The following PLAT variants were observed in gnomAD, a reference collection of about 807,000 sequenced individuals.
PLAT encodes tissue-type plasminogen activator.
A neutral mutation model predicts 74.9 loss-of-function variants in PLAT; 48 were observed. The observed-to-expected ratio is 0.64, with a 90% CI of 0.51 to 0.82. The LOEUF is 0.82. Among genes scored for constraint, PLAT ranks in the 40% least tolerant of loss-of-function variants. The pLI is 0.00. For synonymous variants in PLAT, 307 were observed against 294.4 expected (o/e 1.04, Z -0.44); for missense variants, 673 against 736.2 (o/e 0.91, Z 0.99).
chr8:42,205,951 C>T (rs990965251), intron 1 of PLAT, among the ~76,000 whole-genome samples: 2 of 152,238 alleles, frequency 1.3e-5, no homozygotes, highest in Non-Finnish European at 2.9e-5. Context: ...TGGCCGCTGG[C>T]TCTGCTCAGC....
chr8:42,180,012 A>C lies in PLAT; in HGVS notation c.1277T>G (p.Val426Gly), dbSNP rs1805155649. ...CGCCGGGGGAAGGCACACAGTGCGG[A>C]CCACGCTGCTCTCCTGGGCACAGCG... is the stretch of plus-strand genomic sequence containing the variant. Reference protein sequence around the residue: ...SSRCAQESSVVRTVCLPPADL... With the variant: ...SSRCAQESSVGRTVCLPPADL... Residue 426 changes from valine (V) to glycine (G), a missense_variant, in exon 12 of 14, where the codon GTC (valine) becomes GGC (glycine). By Grantham distance (109) the Val-to-Gly change is moderately radical. Transcript: ENST00000220809. 6.2e-7 allele frequency: 1 copy of C among 1,610,032 alleles called. No individual in the cohort carries two copies. Among genetic ancestry groups the C allele is most frequent in the Admixed American group, 1.7e-5 (1 of 59,366 alleles).
intron 3 of PLAT, among the ~76,000 whole-genome samples, chr8:42,190,603 C>T (rs975668259): frequency 6.6e-6 from 1 of 152,160 alleles, no homozygotes; most frequent in Non-Finnish European, 1.5e-5. Context: ...CATCCAACAA[C>T]GAAGGCATTA....
At chr8:42,198,164 CTCTGTT>C (rs1805987331) in intron 1 of PLAT, among the ~76,000 whole-genome samples, 1 of 152,136 alleles carries the variant, frequency 6.6e-6, no homozygotes, top group African/African-American at 2.4e-5. Flanking sequence ...GAGACTCTGT[CTCTGTT>C]TATTTTCATA....
chr8:42,176,476 C>T (rs1804979047), intron 13 of PLAT, among the ~76,000 whole-genome samples: 1 of 152,202 alleles, frequency 6.6e-6, no homozygotes, highest in African/African-American at 2.4e-5. Flanking sequence ...ATGGTGGCGT[C>T]TGTCCAGGGC....
chr8:42,185,342 C>T (rs978507618), intron 6 of PLAT, 170 bp from the exon 7 acceptor site: 1 of 438,044 alleles, frequency 2.3e-6, no homozygotes, highest in Non-Finnish European at 4.0e-6. Flanking sequence ...CCTCTCACTG[C>T]AACCTCCGTT....
At chr8:42,188,824 A>T in intron 4 of PLAT, 110 bp downstream of exon 4, 1 of 860,000 alleles carries the variant, frequency 1.2e-6, no homozygotes, top group Non-Finnish European at 1.9e-6. Flanking sequence ...GGGACTTGCT[A>T]TGTTTGCCCA....
At chr8:42,186,402 G>A (rs1277083213) in intron 6 of PLAT, 2 of 152,194 alleles carry the variant, frequency 1.3e-5, no homozygotes, top group African/African-American at 4.8e-5. Context: ...TCAGTGAAAA[G>A]CTGATCAAGG....
chr8:42,182,066 T>A, intron 8 of PLAT, 44 bp from the exon 9 acceptor site: 1 of 1,289,306 alleles, frequency 7.8e-7, no homozygotes, highest in African/African-American at 1.5e-5. Context: ...ATCTTCTTAT[T>A]TTTTAATTTT....
Position 42,176,087 on chromosome 8 carries a change from C to T in PLAT, c.1595G>A (p.Ser532Asn). Reference protein sequence around the residue: ...DGRMTLVGIISWGLGCGQKDV... With the variant: ...DGRMTLVGIINWGLGCGQKDV... ...CTTCTGTCCACAGCCCAGGCCCCAG[C>T]TGATGATGCCCACCAAAGTCATGCG... The change falls in exon 14 of 14, where the codon AGC becomes AAC. Residue 532 changes from serine (S) to asparagine (N), a missense_variant. Coordinates refer to ENST00000220809, the MANE Select transcript of PLAT (RefSeq NM_000930.5). The T allele has an allele frequency of 6.2e-7, 1 of 1,614,036 alleles. No homozygotes were observed. The highest frequency in any genetic ancestry group is 8.5e-7 in the Non-Finnish European group (1 of 1,179,952).
chr8:42,195,316 C>T (rs1405981412), intron 1 of PLAT, among the ~76,000 whole-genome samples: 4 of 152,270 alleles, frequency 2.6e-5, no homozygotes, highest in South Asian at 2.1e-4. Context: ...GGCAGAGGAG[C>T]TTAGGGAGAG....
In PLAT at chr8:42,187,410, T is replaced by C. The variant is rs562484595; in HGVS notation, c.527A>G (p.His176Arg). The C allele has an allele frequency of 6.3e-7, 1 of 1,584,654 alleles. No individual in the cohort carries two copies. Among genetic ancestry groups the C allele is most frequent in the South Asian group, 1.1e-5 (1 of 89,716 alleles). The part of the protein sequence containing the change: ...PDAIRLGLGN[H>R]NYCRNPDRDS... ...GATGTGCCCTCACCTGCAGTAGTTG[T>C]GGTTCCCCAGGCCCAGCCTGATGGC... is the stretch of plus-strand genomic sequence containing the variant. The change falls in exon 6 of 14, where the codon CAC (histidine) becomes CGC (arginine). Residue 176 changes from histidine to arginine, a missense_variant. Transcript: ENST00000220809.
rs8178693 is a variant in PLAT at position 42,202,428 on chromosome 8, C to A, written c.-27+5066G>T. 2.7e-3 allele frequency among the ~76,000 whole-genome samples: 410 copies of A among 152,130 alleles called. 1 individual carries two copies. Among genetic ancestry groups the A allele is most frequent in the African/African-American group, 9.4e-3 (392 of 41,492 alleles). The stretch of plus-strand genomic sequence containing the variant: ...GAGACTCAGCTGAAATAAAAACTGC[C>A]CACATCAAGAGTCCCATCTATGGGG... On this transcript the variant is annotated intron_variant, in intron 1 of 13. Coordinates refer to ENST00000220809, the MANE Select transcript of PLAT (RefSeq NM_000930.5).
rs1273073093 is a variant in PLAT at position 42,175,401 on chromosome 8, A to T, written c.*592T>A. On this transcript the variant is annotated 3_prime_UTR_variant, in exon 14 of 14. Coordinates refer to ENST00000220809, the MANE Select transcript of PLAT (RefSeq NM_000930.5). ...ACTCTAAAGTTTATAAAGAAAAAGG[A>T]TTTACACTTTACACACTGTACACAA... is the stretch of plus-strand genomic sequence containing the variant. 6.6e-6 allele frequency: 1 copy of T among 152,368 alleles called. No individual in the cohort carries two copies. Among genetic ancestry groups the T allele is most frequent in the East Asian group, 1.9e-4 (1 of 5,202 alleles). 9.4% of individuals were successfully genotyped at this position (152,368 alleles called of 1,614,324 possible).
chr8:42,184,520 C>G (rs1168047316), intron 7 of PLAT, among the ~76,000 whole-genome samples: 2 of 151,274 alleles, frequency 1.3e-5, no homozygotes, highest in African/African-American at 4.9e-5. Context: ...CCACCGTATC[C>G]GGCTAATTTT....
intron 1 of PLAT, among the ~76,000 whole-genome samples, chr8:42,204,476 C>T (rs935637942): frequency 5.9e-5 from 9 of 151,504 alleles, no homozygotes; most frequent in South Asian, 2.1e-4. Context: ...TGGTGGCTCA[C>T]GCCTGTAATC....
In PLAT at chr8:42,191,142, G is replaced by T. The variant is rs182215687; in HGVS notation, c.115+230C>A. Among the ~76,000 whole-genome samples, 12 of 152,322 alleles carry T rather than the reference G, an allele frequency of 7.9e-5. No individual in the cohort carries two copies. The South Asian group carries it at 8.3e-4, about 11-fold the overall frequency. On this transcript the variant is annotated intron_variant, in intron 3 of 13. Coordinates refer to ENST00000220809, the MANE Select transcript of PLAT (RefSeq NM_000930.5). ...GATCCCTGACAGCCTGGCTCCTTGG[G>T]GGGGAACACCTGTTTCTGCTCCCCT...
chr8:42,181,196 C>G (rs996603040), intron 9 of PLAT, among the ~76,000 whole-genome samples: 4 of 152,226 alleles, frequency 2.6e-5, no homozygotes, highest in African/African-American at 9.6e-5. Flanking sequence ...AGCTGGTGGT[C>G]TGTGTCTCAT....
intron 1 of PLAT, among the ~76,000 whole-genome samples, chr8:42,193,888 G>T (rs985982028): frequency 5.9e-5 from 9 of 151,612 alleles, no homozygotes; most frequent in African/African-American, 2.2e-4. Flanking sequence ...GCTAATTTTT[G>T]TATTTTTAGT....
chr8:42,200,702 G>A (rs975854458), intron 1 of PLAT, among the ~76,000 whole-genome samples: 9 of 147,442 alleles, frequency 6.1e-5, no homozygotes, highest in African/African-American at 2.1e-4. Context: ...AAGTATAAGC[G>A]TCGTGCTGTA....
Sources: gnomAD v4.1 joint callset for allele counts (sites outside exome capture counted in the v4.1 genomes callset) on GRCh38, gnomAD v4.1.1 for gene constraint, MANE v1.5 for transcripts, NCBI Gene and HGNC (gene_info 2026-07-23, HGNC 2026-07-21) for gene names.